Variants in COLEC10 observed in about 807,000 individuals in gnomAD.
The protein encoded by COLEC10 is collectin-10.
A neutral mutation model predicts 28.4 loss-of-function variants in COLEC10; 22 were observed. The observed-to-expected ratio is 0.78, with a 90% CI of 0.55 to 1.11. The LOEUF (loss-of-function observed/expected upper bound fraction) is 1.11, where lower values mean the gene tolerates loss of function less well. Among genes scored for constraint, COLEC10 ranks in the 50% least tolerant of loss-of-function variants. COLEC10 has a pLI of 0.00. For missense variants in COLEC10, 361 were observed against 344.1 expected, an observed-to-expected ratio of 1.05 and a Z score of -0.39; for synonymous variants, 125 against 116.1, an observed-to-expected ratio of 1.08 and a Z score of -0.49.
At chr8:118,959,985 A>G in the COLEC10 span, among the ~76,000 whole-genome samples, 1 of 152,246 alleles carries the variant, frequency 6.6e-6, no homozygotes, top group Admixed American at 6.5e-5. Context: ...GATACGAAGG[A>G]TATATTTGAA....
chr8:119,000,079 T>C (rs975143530), intron 1 of COLEC10, among the ~76,000 whole-genome samples: 1 of 152,188 alleles, frequency 6.6e-6, no homozygotes, highest in South Asian at 2.1e-4. Flanking sequence ...GCTGATTTCC[T>C]AAAGCAGCAG....
rs1017398868 is a variant in COLEC10 at position 119,108,064 on chromosome 8, A to G, written c.*1873A>G. 2.6e-5 allele frequency among the ~76,000 whole-genome samples: 4 copies of G among 152,176 alleles called. No individual in the cohort carries two copies. Among genetic ancestry groups the G allele is most frequent in the African/African-American group, 9.6e-5 (4 of 41,460 alleles). On this transcript the variant is annotated 3_prime_UTR_variant, in exon 6 of 6. Transcript: ENST00000332843. ...AGTCAAGATATCCCATTAATACCAT[A>G]TTCAATTCAGCTTAATAATAGGAAT...
the COLEC10 span, among the ~76,000 whole-genome samples, chr8:118,977,261 A>G: frequency 1.4e-5 from 2 of 145,780 alleles, no homozygotes; most frequent in African/African-American, 4.9e-5. Flanking sequence ...TATATACCCA[A>G]AGGACTATAA....
At chr8:118,999,609 G>T (rs568850303) in intron 1 of COLEC10, among the ~76,000 whole-genome samples, 1 of 145,944 alleles carries the variant, frequency 6.9e-6, no homozygotes, top group Non-Finnish European at 1.5e-5. Flanking sequence ...AAAAAAAAGA[G>T]CCAGCAAAGG....
chr8:119,051,421 T>A (rs1252328986), intron 2 of COLEC10, among the ~76,000 whole-genome samples: 3 of 152,110 alleles, frequency 2.0e-5, no homozygotes, highest in Non-Finnish European at 4.4e-5. Flanking sequence ...AAAGTGAAGG[T>A]TTTTATGAAG....
chr8:119,031,256 G>C (rs555988068), intron 2 of COLEC10, among the ~76,000 whole-genome samples: 7 of 152,276 alleles, frequency 4.6e-5, no homozygotes, highest in South Asian at 4.1e-4. Context: ...AATCTGTCGT[G>C]TACACCCTAT....
At chr8:119,078,990 T>TAC (rs59453751) in intron 1 of COLEC10, among the ~76,000 whole-genome samples, 4,662 of 142,784 alleles carry the variant, frequency 0.033, 108 homozygotes, top group Admixed American at 0.065. Context: ...TGGGAAAACG[T>TAC]ACACACACAC....
At chr8:119,015,519 G>A (rs1308230722) in intron 2 of COLEC10, among the ~76,000 whole-genome samples, 1 of 144,430 alleles carries the variant, frequency 6.9e-6, no homozygotes, top group Non-Finnish European at 1.5e-5. Flanking sequence ...CTAGAAACAT[G>A]AGGGGATTTT....
chr8:119,081,760 A>G (rs1473655475), intron 1 of COLEC10, among the ~76,000 whole-genome samples: 1 of 152,216 alleles, frequency 6.6e-6, no homozygotes, highest in Non-Finnish European at 1.5e-5. Context: ...CAGCCTGTGA[A>G]GGTTCACATA....
At chr8:119,092,603 A>G (rs1163291874) in intron 3 of COLEC10, among the ~76,000 whole-genome samples, 1 of 152,160 alleles carries the variant, frequency 6.6e-6, no homozygotes, top group African/African-American at 2.4e-5. Flanking sequence ...GGAAGATAGA[A>G]CTTTCTTAAA....
chr8:119,019,055 C>A (rs1814044960), intron 2 of COLEC10, among the ~76,000 whole-genome samples: 1 of 152,146 alleles, frequency 6.6e-6, no homozygotes, highest in South Asian at 2.1e-4. Context: ...TCTGCAGTTA[C>A]CCGCATCCAA....
At chr8:118,986,854 C>T in the COLEC10 span, among the ~76,000 whole-genome samples, 4 of 152,050 alleles carry the variant, frequency 2.6e-5, no homozygotes, top group Non-Finnish European at 4.4e-5. Flanking sequence ...TTTATAGACA[C>T]AGAAAATTGG....
At chr8:119,040,579 C>G (rs1228382488) in intron 2 of COLEC10, among the ~76,000 whole-genome samples, 2 of 152,152 alleles carry the variant, frequency 1.3e-5, no homozygotes, top group Non-Finnish European at 1.5e-5. Flanking sequence ...ATACTGTGCT[C>G]TCCTCTCTGT....
chr8:119,069,629 AATATATATATAT>A (rs1207445435), intron 1 of COLEC10, among the ~76,000 whole-genome samples: 1,299 of 42,654 alleles, frequency 0.03, 44 homozygotes, highest in Middle Eastern at 0.05. Context: ...AAAAAAAAAA[AATATATATATAT>A]ATATATATAT....
intron 1 of COLEC10, among the ~76,000 whole-genome samples, chr8:119,072,976 C>G (rs1451486021): frequency 1.3e-5 from 2 of 151,968 alleles, no homozygotes; most frequent in Non-Finnish European, 2.9e-5. Flanking sequence ...TCTCAGCCCC[C>G]AACACAAATA....
chr8:119,091,236 C>G lies in COLEC10; in HGVS notation c.292+16C>G. 6.2e-7 allele frequency: 1 copy of G among 1,601,788 alleles called. No homozygotes were observed. The highest frequency in any genetic ancestry group is 8.5e-7 in the Non-Finnish European group (1 of 1,169,862). On this transcript the variant is annotated intron_variant, in intron 3 of 5. Transcript: ENST00000332843. ...GGGAAGAAGGGTAAGTTGCATCTTA[C>G]TATTCTCCAGTAGCAATTCAAAGCA...
chr8:119,075,167 T>C (rs1297836529), intron 1 of COLEC10, among the ~76,000 whole-genome samples: 1 of 152,222 alleles, frequency 6.6e-6, no homozygotes, highest in East Asian at 1.9e-4. Context: ...TGATGATATA[T>C]AGGCCAGGCA....
At chr8:118,979,049 A>G in the COLEC10 span, among the ~76,000 whole-genome samples, 3 of 152,214 alleles carry the variant, frequency 2.0e-5, no homozygotes, top group East Asian at 5.8e-4. Flanking sequence ...AGTAATTTAC[A>G]AGATTTGCTC....
intron 1 of COLEC10, among the ~76,000 whole-genome samples, chr8:119,000,197 G>A (rs1282239794): frequency 6.6e-6 from 1 of 152,134 alleles, no homozygotes; most frequent in Non-Finnish European, 1.5e-5. Flanking sequence ...AGAAGATGAG[G>A]TCATTCTTTC....
Sources: gnomAD v4.1 joint callset for allele counts (sites outside exome capture counted in the v4.1 genomes callset) on GRCh38, gnomAD v4.1.1 for gene constraint, MANE v1.5 for transcripts, NCBI Gene and HGNC (gene_info 2026-07-23, HGNC 2026-07-21) for gene names.